Variants in DGKB observed in about 807,000 individuals in gnomAD.
The protein encoded by DGKB is 90 kDa diacylglycerol kinase.
DGKB carries 67 observed loss-of-function variants against 114.3 expected under a neutral mutation model. The observed-to-expected ratio is 0.59, with a 90% CI of 0.48 to 0.72. The LOEUF is 0.72. Among genes scored for constraint, DGKB ranks in the 30% least tolerant of loss-of-function variants. The probability of loss-of-function intolerance (pLI) is 0.00; values close to 1 mark genes in which losing one functional copy is unlikely to be tolerated. For synonymous variants in DGKB, 398 were observed against 323.1 expected, an observed-to-expected ratio of 1.23 and a Z score of -2.49; for missense variants, 907 against 975.2, an observed-to-expected ratio of 0.93 and a Z score of 0.93.
intron 21 of DGKB, among the ~76,000 whole-genome samples, chr7:14,460,019 A>C (rs1264085096): frequency 2.0e-5 from 3 of 152,214 alleles, no homozygotes; most frequent in African/African-American, 7.2e-5. Flanking sequence ...GGGAAGGAGA[A>C]ATAAAATACT....
chr7:14,199,941 G>A (rs970781075), intron 23 of DGKB, among the ~76,000 whole-genome samples: 1 of 151,926 alleles, frequency 6.6e-6, no homozygotes, highest in African/African-American at 2.4e-5. Context: ...ACAAAATCTA[G>A]CTCCTGAGTA....
At chr7:14,894,524 GTT>G (rs1273319750) in intron 1 of DGKB, among the ~76,000 whole-genome samples, 2 of 151,322 alleles carry the variant, frequency 1.3e-5, no homozygotes, top group African/African-American at 4.8e-5. Context: ...CTTGTGTTTT[GTT>G]TTCTACAAAG....
intron 23 of DGKB, among the ~76,000 whole-genome samples, chr7:14,297,464 T>C (rs1373965537): frequency 6.6e-6 from 1 of 152,130 alleles, no homozygotes; most frequent in African/African-American, 2.4e-5. Context: ...CACATGATTA[T>C]CTCAATAGAT....
intron 23 of DGKB, among the ~76,000 whole-genome samples, chr7:14,213,184 T>C (rs1788416600): frequency 6.6e-6 from 1 of 152,124 alleles, no homozygotes; most frequent in African/African-American, 2.4e-5. Context: ...TTTTCGTATA[T>C]ATATCAATTT....
chr7:14,557,905 A>C (rs994438861), intron 20 of DGKB, among the ~76,000 whole-genome samples: 21 of 151,596 alleles, frequency 1.4e-4, no homozygotes, highest in African/African-American at 5.1e-4. Context: ...TTCCTGCAAC[A>C]TTGGTTGATT....
At chr7:14,400,288 G>C (rs1822900695) in intron 21 of DGKB, among the ~76,000 whole-genome samples, 1 of 151,782 alleles carries the variant, frequency 6.6e-6, no homozygotes, top group Non-Finnish European at 1.5e-5. Flanking sequence ...GTGACTCCTA[G>C]AGAAGTTAAG....
At chr7:14,851,102 T>C (rs907426850) in intron 1 of DGKB, among the ~76,000 whole-genome samples, 4 of 152,194 alleles carry the variant, frequency 2.6e-5, no homozygotes. Context: ...TTAGTAGAAT[T>C]GAAATTGGAC....
chr7:14,871,112 A>T (rs200370442), intron 1 of DGKB, among the ~76,000 whole-genome samples: 16 of 352 alleles, frequency 0.045, 8 homozygotes, highest in African/African-American at 0.046. Context: ...AAAAAAAAAA[A>T]AAAAAAAAGA....
chr7:14,969,059 G>C (rs887587011), intron 1 of DGKB, among the ~76,000 whole-genome samples: 1 of 152,088 alleles, frequency 6.6e-6, no homozygotes, highest in African/African-American at 2.4e-5. Flanking sequence ...ATTTGTAAAA[G>C]AGTTAACAAA....
At chr7:14,352,793 C>G (rs138497689) in intron 21 of DGKB, among the ~76,000 whole-genome samples, 4,844 of 151,962 alleles carry the variant, frequency 0.032, 268 homozygotes, top group African/African-American at 0.11. Context: ...CGTGGTGGCG[C>G]GTGCCTATAA....
intron 21 of DGKB, among the ~76,000 whole-genome samples, chr7:14,393,823 T>G (rs1433873281): frequency 6.6e-6 from 1 of 152,188 alleles, no homozygotes; most frequent in Non-Finnish European, 1.5e-5. Flanking sequence ...CTATTTGGTC[T>G]AGAAAAACCA....
intron 1 of DGKB, among the ~76,000 whole-genome samples, chr7:14,850,677 T>A (rs1039127421): frequency 2.0e-5 from 3 of 152,100 alleles, no homozygotes; most frequent in African/African-American, 7.2e-5. Context: ...TGTGAATATA[T>A]GAAAAAATTA....
chr7:14,404,447 C>T (rs1823621074), intron 21 of DGKB, among the ~76,000 whole-genome samples: 1 of 151,850 alleles, frequency 6.6e-6, no homozygotes, highest in Admixed American at 6.6e-5. Context: ...GTCCATTCTA[C>T]CCAACAGCAA....
chr7:14,871,299 T>A (rs1448290359), intron 1 of DGKB, among the ~76,000 whole-genome samples: 1 of 152,160 alleles, frequency 6.6e-6, no homozygotes, highest in East Asian at 1.9e-4. Context: ...AAATACATAA[T>A]ACATTTTTAT....
chr7:14,894,405 C>A (rs541474820), intron 1 of DGKB, among the ~76,000 whole-genome samples: 1 of 151,356 alleles, frequency 6.6e-6, no homozygotes, highest in African/African-American at 2.4e-5. Context: ...TGATAAGACA[C>A]AGGCGCTAAT....
chr7:14,478,801 T>C (rs534992662), intron 20 of DGKB, among the ~76,000 whole-genome samples: 1 of 117,894 alleles, frequency 8.5e-6, no homozygotes, highest in South Asian at 3.0e-4. Context: ...GCTCGTTGAA[T>C]AGAAAAAAAA....
chr7:14,801,946 A>G (rs1562572828), intron 2 of DGKB, among the ~76,000 whole-genome samples: 1 of 151,184 alleles, frequency 6.6e-6, no homozygotes, highest in Non-Finnish European at 1.5e-5. Context: ...ACACACACAC[A>G]CGCACACACA....
At chr7:14,203,505 C>A (rs1387185507) in intron 23 of DGKB, among the ~76,000 whole-genome samples, 1 of 151,870 alleles carries the variant, frequency 6.6e-6, no homozygotes, top group Non-Finnish European at 1.5e-5. Context: ...TAAAAGATAG[C>A]CAGCTAGGAT....
intron 6 of DGKB, among the ~76,000 whole-genome samples, chr7:14,714,277 G>A (rs1827839071): frequency 1.3e-5 from 2 of 152,062 alleles, no homozygotes; most frequent in Admixed American, 6.6e-5. Context: ...TAATCAAAGG[G>A]ATCAAAGTGG....
Sources: gnomAD v4.1 joint callset for allele counts (sites outside exome capture counted in the v4.1 genomes callset) on GRCh38, gnomAD v4.1.1 for gene constraint, MANE v1.5 for transcripts, NCBI Gene and HGNC (gene_info 2026-07-23, HGNC 2026-07-21) for gene names.